Variants in PTPRM observed in about 807,000 individuals in gnomAD.
The protein encoded by PTPRM is receptor-type tyrosine-protein phosphatase mu.
A neutral mutation model predicts 186.7 loss-of-function variants in PTPRM; 47 were observed. The observed-to-expected ratio is 0.25, with a 90% confidence interval of 0.20 to 0.32. The LOEUF (loss-of-function observed/expected upper bound fraction) is 0.32, where lower values mean the gene tolerates loss of function less well. PTPRM is among the 10% of genes least tolerant of loss of function. PTPRM has a pLI of 1.00. For synonymous variants in PTPRM, 668 were observed against 674.9 expected, an observed-to-expected ratio of 0.99 and a Z score of 0.16; for missense variants, 1,494 against 1,865.0, an observed-to-expected ratio of 0.80 and a Z score of 3.66.
chr18:7,654,674 TC>T (rs2144319362), intron 1 of PTPRM, among the ~76,000 whole-genome samples: 1 of 152,336 alleles, frequency 6.6e-6, no homozygotes, highest in East Asian at 1.9e-4. Context: ...ATATGGCTAG[TC>T]AGTTACACCA....
chr18:8,336,762 G>C (rs1488790305), intron 22 of PTPRM, among the ~76,000 whole-genome samples: 1 of 152,022 alleles, frequency 6.6e-6, no homozygotes, highest in Admixed American at 6.6e-5. Flanking sequence ...GGCAGATCAT[G>C]AGGTCAGGAG....
intron 17 of PTPRM, chr18:8,251,570 A>C (rs886188005): frequency 1.3e-5 from 2 of 152,196 alleles, no homozygotes; most frequent in African/African-American, 4.8e-5. Context: ...AAAATCATAA[A>C]ATCAACTTAC....
chr18:8,114,958 T>C, intron 13 of PTPRM, 131 bp downstream of exon 13: 5 of 646,572 alleles, frequency 7.7e-6, no homozygotes, highest in Non-Finnish European at 1.3e-5. Context: ...CATATATATA[T>C]ATGCATGAAT....
intron 1 of PTPRM, among the ~76,000 whole-genome samples, chr18:7,771,794 A>T (rs1392694527): frequency 1.3e-5 from 2 of 152,206 alleles, no homozygotes; most frequent in African/African-American, 4.8e-5. Context: ...TCAGATTTGC[A>T]GACAACACAA....
At chr18:8,152,094 C>G (rs923047544) in intron 14 of PTPRM, among the ~76,000 whole-genome samples, 4 of 151,948 alleles carry the variant, frequency 2.6e-5, no homozygotes, top group African/African-American at 9.6e-5. Flanking sequence ...CGGAGCTGTT[C>G]CTATTCAGCC....
intron 1 of PTPRM, among the ~76,000 whole-genome samples, chr18:7,638,400 A>G (rs967656889): frequency 3.3e-5 from 5 of 152,208 alleles, no homozygotes. Context: ...GACAGTGCAT[A>G]TGATTAAGAT....
chr18:7,883,054 G>T (rs537869467), intron 2 of PTPRM, among the ~76,000 whole-genome samples: 1 of 152,268 alleles, frequency 6.6e-6, no homozygotes, highest in South Asian at 2.1e-4. Context: ...GCATCTAAAG[G>T]CTGTCCCTTT....
At chr18:7,868,624 G>A (rs935261226) in intron 2 of PTPRM, among the ~76,000 whole-genome samples, 2 of 152,174 alleles carry the variant, frequency 1.3e-5, no homozygotes, top group African/African-American at 2.4e-5. Flanking sequence ...CCTATGTGAG[G>A]TGTCTGTCAA....
chr18:8,322,636 C>T (rs1240076485), intron 22 of PTPRM, among the ~76,000 whole-genome samples: 1 of 152,100 alleles, frequency 6.6e-6, no homozygotes, highest in African/African-American at 2.4e-5. Flanking sequence ...AAGTGATGGG[C>T]AGAAGAGCAT....
intron 11 of PTPRM, among the ~76,000 whole-genome samples, chr18:8,098,741 C>T: frequency 6.6e-6 from 1 of 152,112 alleles, no homozygotes; most frequent in East Asian, 1.9e-4. Context: ...GTCTTCTCAC[C>T]TCTTGAGGAC....
At position 8,376,535 on chromosome 18, in the gene PTPRM, G is replaced by A. The variant is rs370532691; in HGVS notation, c.3400G>A (p.Val1134Ile). 42 of 1,613,858 alleles carry A rather than the reference G, an allele frequency of 2.6e-5. No homozygotes were observed. Among genetic ancestry groups the A allele is most frequent in the South Asian group, 1.5e-4 (14 of 91,064 alleles). ...MLDMAEREGV[V>I]DIYNCVRELR... ...GGACATGGCCGAAAGGGAAGGGGTC[G>A]TAGACATCTACAACTGCGTCAGGGA... The change falls in exon 26 of 33, where the codon GTA becomes ATA. Residue 1134 changes from valine (V) to isoleucine (I), a missense_variant. This residue lies in a region of PTPRM where 1,107 missense variants were observed against 1,350.2 expected (regional missense o/e 0.82). Coordinates refer to ENST00000580170, the MANE Select transcript of PTPRM (RefSeq NM_001105244.2).
chr18:8,388,822 A>G (rs1174184847), intron 31 of PTPRM, among the ~76,000 whole-genome samples: 4 of 152,110 alleles, frequency 2.6e-5, no homozygotes, highest in African/African-American at 9.7e-5. Flanking sequence ...TTAGCCAGGC[A>G]TGGTGGTGGG....
intron 14 of PTPRM, among the ~76,000 whole-genome samples, chr18:8,232,550 A>T (rs1325812810): frequency 1.3e-5 from 2 of 152,114 alleles, no homozygotes; most frequent in African/African-American, 4.8e-5. Flanking sequence ...TTTGAGATGG[A>T]GTCTCACTCT....
rs150953135 is a variant in PTPRM, at chr18:7,916,164, T to C, written c.547+9581T>C. 2.6e-3 allele frequency among the ~76,000 whole-genome samples: 403 copies of C among 152,216 alleles called. 3 individuals are homozygous for C. Among genetic ancestry groups the C allele is most frequent in the African/African-American group, 9.2e-3 (382 of 41,538 alleles). On this transcript the variant is annotated intron_variant, in intron 4 of 32. Coordinates refer to ENST00000580170, the MANE Select transcript of PTPRM (RefSeq NM_001105244.2). Reference sequence around the variant, plus strand: ...TGGTGAATAATGTACACAATTCAGGTGATGGGTACACTAAAAATCCAGACT... The same window carrying C: ...TGGTGAATAATGTACACAATTCAGGCGATGGGTACACTAAAAATCCAGACT...
At chr18:8,310,501 A>C (rs553127310) in intron 20 of PTPRM, among the ~76,000 whole-genome samples, 2 of 147,136 alleles carry the variant, frequency 1.4e-5, no homozygotes, top group East Asian at 4.0e-4. Flanking sequence ...GATCCTTCCT[A>C]CCTCCTGGCC....
At chr18:8,040,132 C>T (rs2086599330) in intron 7 of PTPRM, among the ~76,000 whole-genome samples, 1 of 152,088 alleles carries the variant, frequency 6.6e-6, no homozygotes. Flanking sequence ...GGATGCATCC[C>T]ATGTGAAGAC....
chr18:8,001,022 T>C (rs2083841238), intron 7 of PTPRM, among the ~76,000 whole-genome samples: 1 of 152,126 alleles, frequency 6.6e-6, no homozygotes, highest in Non-Finnish European at 1.5e-5. Context: ...CTAAAATGTT[T>C]AGTGAAAATA....
At chr18:7,777,300 G>A (rs948393836) in intron 2 of PTPRM, among the ~76,000 whole-genome samples, 7 of 152,144 alleles carry the variant, frequency 4.6e-5, no homozygotes, top group African/African-American at 1.7e-4. Flanking sequence ...TGTGTGGCTT[G>A]TGAGCTAAGA....
At chr18:8,070,506 C>T (rs2089402919) in intron 8 of PTPRM, among the ~76,000 whole-genome samples, 1 of 152,150 alleles carries the variant, frequency 6.6e-6, no homozygotes. Context: ...GGTCATTTTT[C>T]TCCACAGGAA....
Sources: gnomAD v4.1 joint callset for allele counts (sites outside exome capture counted in the v4.1 genomes callset) on GRCh38, gnomAD v4.1.1 for gene constraint, gnomAD v4.1.1 regional missense constraint, MANE v1.5 for transcripts, NCBI Gene and HGNC (gene_info 2026-07-23, HGNC 2026-07-21) for gene names.